The following NNMT variants were observed in gnomAD, a reference collection of about 807,000 sequenced individuals.
NNMT encodes the protein nicotinamide N-methyltransferase.
NNMT carries 10 observed loss-of-function variants against 11.7 expected under a neutral mutation model. The ratio of observed to expected loss-of-function variants is 0.85; its 90% CI spans 0.53 to 1.45. The LOEUF (loss-of-function observed/expected upper bound fraction) is 1.45, where lower values mean the gene tolerates loss of function less well. Among genes scored for constraint, NNMT ranks in the 40% most tolerant of loss-of-function variants. NNMT has a pLI of 0.00. For synonymous variants in NNMT, 143 were observed against 133.8 expected (o/e 1.07, Z -0.48); for missense variants, 381 against 319.4 (o/e 1.19, Z -1.47).
In NNMT at chr11:114,312,480, C is replaced by T. The variant is rs1341234412; in HGVS notation, c.*3C>T. On this transcript the variant is annotated 3_prime_UTR_variant, in exon 3 of 3. Transcript: ENST00000299964. ...GGAAGCTGAGCAGACCCCTGTGATGCCTGTGACCTCAATTAAAGCAATTCC... is the reference window on the plus strand; with the variant it reads ...GGAAGCTGAGCAGACCCCTGTGATGTCTGTGACCTCAATTAAAGCAATTCC... 1 of 1,609,270 alleles carries T rather than the reference C, an allele frequency of 6.2e-7. No homozygotes were observed. The highest frequency in any genetic ancestry group is 1.7e-5 in the Admixed American group (1 of 59,910).
intron 2 of NNMT, among the ~76,000 whole-genome samples, chr11:114,281,129 T>C (rs897758319): frequency 1.1e-4 from 16 of 152,144 alleles, no homozygotes; most frequent in Admixed American, 6.5e-4. Context: ...CTAGCTGGCC[T>C]CTGGAGGAGA....
intron 2 of NNMT, among the ~76,000 whole-genome samples, chr11:114,282,797 G>A (rs539728153): frequency 3.3e-5 from 5 of 152,234 alleles, no homozygotes; most frequent in African/African-American, 1.2e-4. Context: ...GGACCACTGG[G>A]GGAGTACCCT....
At chr11:114,267,129 G>A (rs1440869185) in intron 2 of NNMT, among the ~76,000 whole-genome samples, 1 of 152,122 alleles carries the variant, frequency 6.6e-6, no homozygotes, top group Admixed American at 6.5e-5. Context: ...GCTGGGCGTG[G>A]TGGTGCACAC....
intron 2 of NNMT, chr11:114,298,384 T>C (rs1945405674): frequency 1.9e-6 from 1 of 532,256 alleles, no homozygotes; most frequent in South Asian, 2.1e-5. Context: ...AGGGAGAGGG[T>C]TGAAGAAATG....
intron 2 of NNMT, among the ~76,000 whole-genome samples, chr11:114,274,768 G>A (rs572430859): frequency 4.6e-5 from 7 of 152,218 alleles, no homozygotes; most frequent in Non-Finnish European, 1.0e-4. Flanking sequence ...TGCATAACAG[G>A]CAGGATGACA....
At chr11:114,289,689 G>T (rs1945321492) in intron 2 of NNMT, among the ~76,000 whole-genome samples, 1 of 152,098 alleles carries the variant, frequency 6.6e-6, no homozygotes, top group African/African-American at 2.4e-5. Flanking sequence ...TAGCTTAAAT[G>T]CATTGGTCAA....
At chr11:114,280,982 T>G (rs1221762819) in intron 2 of NNMT, among the ~76,000 whole-genome samples, 1 of 152,170 alleles carries the variant, frequency 6.6e-6, no homozygotes, top group Non-Finnish European at 1.5e-5. Flanking sequence ...CCCGGCCATG[T>G]ATTCTACATG....
intron 2 of NNMT, among the ~76,000 whole-genome samples, chr11:114,286,696 C>T (rs538755399): frequency 6.6e-6 from 1 of 152,050 alleles, no homozygotes; most frequent in Non-Finnish European, 1.5e-5. Flanking sequence ...CATTGTTGGA[C>T]TTTTAGGTTG....
At chr11:114,300,479 A>G (rs1218432169) in intron 2 of NNMT, among the ~76,000 whole-genome samples, 1 of 152,180 alleles carries the variant, frequency 6.6e-6, no homozygotes, top group Non-Finnish European at 1.5e-5. Flanking sequence ...TTCTACATTG[A>G]AAAGAGTGTA....
chr11:114,308,575 G>A (rs942738789), intron 2 of NNMT, among the ~76,000 whole-genome samples: 1 of 152,036 alleles, frequency 6.6e-6, no homozygotes, highest in African/African-American at 2.4e-5. Flanking sequence ...AGAGGACAGG[G>A]CTACCTTTTT....
chr11:114,284,970 G>C lies in NNMT; in HGVS notation c.-129-11458G>C, dbSNP rs553489104. On this transcript the variant is annotated intron_variant, in intron 2 of 4. Coordinates refer to the NNMT transcript ENST00000535401. ...TTTTCAGTAGAGACAGTTTCATCAT[G>C]TTGGCGAGGCTGGTCTTGAACTCCT... is the stretch of plus-strand genomic sequence containing the variant. Among the ~76,000 whole-genome samples the C allele has an allele frequency of 3.3e-5, 5 of 151,848 alleles. No homozygotes were observed. In the East Asian group the frequency reaches 9.7e-4, roughly 29 times the overall value.
rs1802606 is a variant in NNMT at position 114,296,662 on chromosome 11, C to T, written c.106C>T (p.Gln36Ter). 1.2e-6 allele frequency: 2 copies of T among 1,614,164 alleles called. No homozygotes were observed. Among genetic ancestry groups the T allele is most frequent in the Admixed American group, 1.7e-5 (1 of 60,024 alleles). Residue 36 changes from glutamine (Q) to a stop codon, truncating the protein, a stop_gained, in exon 1 of 3, where the codon CAG (glutamine) becomes TAG (stop). Transcript: ENST00000299964. LOFTEE classifies it high-confidence loss of function. ...KFGSRHSAES[Q>*]ILKHLLKNLF... Reference sequence around the variant, plus strand: ...TGGTTCTAGGCACTCTGCAGAAAGCCAGATTCTTAAGCACCTTCTGAAAAA... The same window carrying T: ...TGGTTCTAGGCACTCTGCAGAAAGCTAGATTCTTAAGCACCTTCTGAAAAA...
At chr11:114,259,580 C>T (rs1945059241) in intron 1 of NNMT, among the ~76,000 whole-genome samples, 2 of 152,166 alleles carry the variant, frequency 1.3e-5, no homozygotes, top group Non-Finnish European at 2.9e-5. Context: ...CATCCCCCAG[C>T]TCTCTGTGTG....
chr11:114,276,637 A>G (rs1011673098), intron 2 of NNMT, among the ~76,000 whole-genome samples: 4 of 152,206 alleles, frequency 2.6e-5, no homozygotes, highest in Non-Finnish European at 4.4e-5. Flanking sequence ...GACCAGAGAA[A>G]TAAAGCTGTG....
chr11:114,261,441 G>C (rs113534744), intron 1 of NNMT, among the ~76,000 whole-genome samples: 1 of 152,164 alleles, frequency 6.6e-6, no homozygotes, highest in Non-Finnish European at 1.5e-5. Context: ...TAAATTAGCC[G>C]GGTGTGGTGG....
intron 2 of NNMT, among the ~76,000 whole-genome samples, chr11:114,271,060 A>C (rs1381468215): frequency 6.6e-6 from 1 of 152,162 alleles, no homozygotes; most frequent in Non-Finnish European, 1.5e-5. Context: ...TACAGGCATG[A>C]ACCACCATGC....
intron 2 of NNMT, among the ~76,000 whole-genome samples, chr11:114,288,388 C>G (rs1247494843): frequency 6.6e-6 from 1 of 150,576 alleles, no homozygotes; most frequent in Non-Finnish European, 1.5e-5. Flanking sequence ...ATTCTATTTC[C>G]AGTTTGGCAA....
chr11:114,297,553 A>G (rs1380567326), intron 1 of NNMT, among the ~76,000 whole-genome samples: 1 of 148,164 alleles, frequency 6.7e-6, no homozygotes, highest in Non-Finnish European at 1.5e-5. Flanking sequence ...GGATGTGATC[A>G]CAGCTCATCA....
chr11:114,302,342 T>C (rs1377631749), intron 2 of NNMT, among the ~76,000 whole-genome samples: 2 of 152,180 alleles, frequency 1.3e-5, no homozygotes, highest in African/African-American at 4.8e-5. Context: ...TGTTAACCTC[T>C]TCTGTGTCTT....
Sources: gnomAD v4.1 joint callset for allele counts (sites outside exome capture counted in the v4.1 genomes callset) on GRCh38, gnomAD v4.1.1 for gene constraint, MANE v1.5 for transcripts, NCBI Gene and HGNC (gene_info 2026-07-23, HGNC 2026-07-21) for gene names.